Variants in SHPRH observed in about 807,000 individuals in gnomAD.
SHPRH encodes SNF2 histone linker PHD RING helicase.
A neutral mutation model predicts 202.5 loss-of-function variants in SHPRH; 106 were observed. The ratio of observed to expected loss-of-function variants is 0.52; its 90% CI spans 0.45 to 0.62. SHPRH has a LOEUF of 0.62. SHPRH is among the 20% of genes least tolerant of loss of function. SHPRH has a pLI of 0.00. For missense variants in SHPRH, 1,710 were observed against 2,020.0 expected (o/e 0.85, Z 2.94); for synonymous variants, 729 against 686.0 (o/e 1.06, Z -0.98).
intron 28 of SHPRH, among the ~76,000 whole-genome samples, chr6:145,889,004 G>A (rs73576180): frequency 0.032 from 4,945 of 152,192 alleles, 271 homozygotes; most frequent in African/African-American, 0.11. Flanking sequence ...GAGTGAGAGT[G>A]CAGAAGCAAC....
intron 11 of SHPRH, among the ~76,000 whole-genome samples, chr6:145,939,293 C>CT (rs1202848844): frequency 6.6e-6 from 1 of 152,122 alleles, no homozygotes; most frequent in Non-Finnish European, 1.5e-5. Flanking sequence ...CGAAACTTGC[C>CT]TTATTGTGCA....
rs1785381700 is a variant in SHPRH at position 145,930,994 on chromosome 6, G to A, written c.3112+2063C>T. Among the ~76,000 whole-genome samples, 7 of 152,102 alleles carry A rather than the reference G, an allele frequency of 4.6e-5. No homozygotes were observed. In the South Asian group the frequency reaches 1.4e-3, roughly 31 times the overall value. On this transcript the variant is annotated intron_variant, in intron 14 of 29. Transcript: ENST00000275233. ...TCTGAAATCTACTTTATAAGTTCCA[G>A]TGGTACAATCAGTTAGCAGGCAGTA... is the stretch of plus-strand genomic sequence containing the variant.
intron 5 of SHPRH, 28 bp from the exon 6 acceptor site, chr6:145,947,671 T>C: frequency 6.2e-7 from 1 of 1,609,146 alleles, no homozygotes. Context: ...ATAAATCACA[T>C]CATAGGAATG....
intron 7 of SHPRH, 30 bp downstream of exon 7, chr6:145,946,203 G>C (rs1383598195): frequency 6.6e-7 from 1 of 1,515,140 alleles, no homozygotes; most frequent in African/African-American, 1.4e-5. Context: ...ACTATAAGAA[G>C]GTATTTCCTT....
intron 1 of SHPRH, among the ~76,000 whole-genome samples, chr6:145,960,310 T>C (rs550409540): frequency 3.3e-5 from 5 of 152,294 alleles, no homozygotes; most frequent in East Asian, 3.9e-4. Context: ...GACATATCCA[T>C]GGACCCAATG....
chr6:145,904,699 G>A (rs756234066), intron 25 of SHPRH: 1 of 152,074 alleles, frequency 6.6e-6, no homozygotes, highest in Non-Finnish European at 1.5e-5. Context: ...CAACGTCGAG[G>A]AGGGATAAAA....
chr6:145,869,185 A>G (rs1197254858), intron 2 of SHPRH, among the ~76,000 whole-genome samples: 1 of 152,150 alleles, frequency 6.6e-6, no homozygotes, highest in African/African-American at 2.4e-5. Context: ...GCTCATTTTA[A>G]ATCAAGTTGT....
chr6:145,913,329 C>T, intron 24 of SHPRH, 149 bp downstream of exon 24: 1 of 601,488 alleles, frequency 1.7e-6, no homozygotes, highest in South Asian at 2.3e-5. Flanking sequence ...AGCACGTCAC[C>T]TAACCTCTAG....
rs1373617193 is a variant in SHPRH at position 145,921,541 on chromosome 6, T to A, written c.3783-149A>T. On this transcript the variant is annotated intron_variant, in intron 20 of 29. Coordinates refer to ENST00000275233, the MANE Select transcript of SHPRH (RefSeq NM_001042683.3). ...CTGAAAACATCATAAATTTGGCCAG[T>A]TTTTTTTTTTTTAAATTCTATTATA... 3.0e-4 allele frequency: 18 copies of A among 60,130 alleles called. No individual in the cohort carries two copies. The South Asian group carries it at 3.4e-3, about 11-fold the overall frequency. The allele number at this position is 60,130 out of a possible 1,614,324, so 3.7% of individuals were successfully genotyped here.
intron 14 of SHPRH, 24 bp downstream of exon 14, chr6:145,933,033 A>G (rs1785642018): frequency 6.2e-7 from 1 of 1,605,064 alleles, no homozygotes. Flanking sequence ...TGAAAGAATC[A>G]GAGATAAAGC....
At chr6:145,945,720 A>T in intron 7 of SHPRH, 83 bp from the exon 8 acceptor site, 1 of 1,363,432 alleles carries the variant, frequency 7.3e-7, no homozygotes, top group Non-Finnish European at 9.7e-7. Context: ...AATCTGCATG[A>T]GGACTGAGTT....
rs1200360607 is a variant in SHPRH, at chr6:145,921,284, T to C, written c.3891A>G (p.Thr1297=). The C allele has an allele frequency of 1.9e-6, 3 of 1,612,918 alleles. No homozygotes were observed. The highest frequency in any genetic ancestry group is 1.3e-5 in the African/African-American group (1 of 74,868). ...TTRGLWAISE[T]ERSMKAILSF... The stretch of plus-strand genomic sequence containing the variant: ...ATAGTATTGCTTTCATAGATCGCTC[T>C]GTCTCACTTATTGCCCAGAGACCCC... The change falls in exon 21 of 30, where the codon ACA becomes ACG. Residue 1297 remains threonine, a synonymous_variant. Transcript: ENST00000275233.
Position 145,913,655 on chromosome 6 carries a change from T to C in SHPRH, c.4255-106A>G, listed in dbSNP as rs891321280. On this transcript the variant is annotated intron_variant, in intron 23 of 29. Coordinates refer to ENST00000275233, the MANE Select transcript of SHPRH (RefSeq NM_001042683.3). ...GAAGTGAATACTGGCAATTACAATT[T>C]ACATAATCTAACAATTTAGATGACC... is the stretch of plus-strand genomic sequence containing the variant. The C allele has an allele frequency of 2.4e-5, 19 of 801,050 alleles. No homozygotes were observed. In the African/African-American group the frequency reaches 2.7e-4, roughly 11 times the overall value. The allele number at this position is 801,050 out of a possible 1,614,324, so 49.6% of individuals were successfully genotyped here.
In SHPRH at chr6:145,946,316, G is replaced by A. The variant is rs749096754; in HGVS notation, c.1238C>T (p.Pro413Leu). 9.4e-6 allele frequency: 15 copies of A among 1,603,838 alleles called. No individual in the cohort carries two copies. In the South Asian group the frequency reaches 1.1e-4, roughly 12 times the overall value. ...CAGTTTTCCTCCAAAATAATGTGACGGAATAAAATAATTCACCACTTTTCC... is the reference window on the plus strand; with the variant it reads ...CAGTTTTCCTCCAAAATAATGTGACAGAATAAAATAATTCACCACTTTTCC... ...PEGKVVNYFI[P>L]SHYFGGKLKK... Residue 413 changes from proline to leucine, a missense_variant, in exon 7 of 30, where the codon CCG (proline) becomes CTG (leucine). This residue lies in a region of SHPRH where 348 missense variants were observed against 356.9 expected (regional missense o/e 0.97). Coordinates refer to ENST00000275233, the MANE Select transcript of SHPRH (RefSeq NM_001042683.3).
intron 28 of SHPRH, among the ~76,000 whole-genome samples, chr6:145,889,385 T>C (rs1781392485): frequency 6.6e-6 from 1 of 152,012 alleles, no homozygotes; most frequent in Non-Finnish European, 1.5e-5. Flanking sequence ...ATCAGAGTGT[T>C]TTTTTCTTTC....
intron 2 of SHPRH, chr6:145,871,353 A>G (rs1780046298): frequency 6.6e-6 from 1 of 152,228 alleles, no homozygotes; most frequent in East Asian, 1.9e-4. Context: ...CAACTTCAGC[A>G]AAGTCTCAGG....
At chr6:145,953,733 C>T (rs1478958331) in intron 2 of SHPRH, among the ~76,000 whole-genome samples, 2 of 151,988 alleles carry the variant, frequency 1.3e-5, no homozygotes, top group South Asian at 2.1e-4. Flanking sequence ...CATTATCTGG[C>T]CTGATTTTCA....
chr6:145,862,519 G>T (rs1320037996), downstream of SHPRH: 2 of 153,326 alleles, frequency 1.3e-5, no homozygotes, highest in African/African-American at 2.4e-5. Context: ...ACTTTTGGAG[G>T]TGTTGGTTAA....
intron 18 of SHPRH, 69 bp from the exon 19 acceptor site, chr6:145,922,905 A>G: frequency 2.8e-6 from 4 of 1,445,386 alleles, no homozygotes; most frequent in Non-Finnish European, 3.7e-6. Context: ...TCAAATTCAG[A>G]GAATGGTTGC....
Sources: gnomAD v4.1 joint callset for allele counts (sites outside exome capture counted in the v4.1 genomes callset) on GRCh38, gnomAD v4.1.1 for gene constraint, gnomAD v4.1.1 regional missense constraint, MANE v1.5 for transcripts, NCBI Gene and HGNC (gene_info 2026-07-23, HGNC 2026-07-21) for gene names.